ANO6: variants seen among roughly 807,000 people sequenced by gnomAD.
The protein encoded by ANO6 is anoctamin 6.
Under a neutral mutation model 117.5 loss-of-function variants are expected in ANO6, and 106 were observed. That is an observed-to-expected ratio of 0.90 (90% CI 0.77 to 1.06). ANO6 has a LOEUF of 1.06. Among genes scored for constraint, ANO6 ranks in the 50% least tolerant of loss-of-function variants. The probability of loss-of-function intolerance (pLI) is 0.00; values close to 1 mark genes in which losing one functional copy is unlikely to be tolerated. For missense variants in ANO6, 955 were observed against 1,121.1 expected (o/e 0.85, Z 2.12); for synonymous variants, 367 against 385.1 (o/e 0.95, Z 0.55).
At chr12:45,323,371 T>C (rs1940345099) in intron 2 of ANO6, among the ~76,000 whole-genome samples, 1 of 152,120 alleles carries the variant, frequency 6.6e-6, no homozygotes, top group Non-Finnish European at 1.5e-5. Context: ...CAACACCTAT[T>C]AAAGACAGCT....
At chr12:45,334,477 G>A (rs1310560168) in intron 3 of ANO6, among the ~76,000 whole-genome samples, 2 of 152,046 alleles carry the variant, frequency 1.3e-5, no homozygotes, top group Non-Finnish European at 2.9e-5. Flanking sequence ...GTAGCCAGAG[G>A]CAGAGAGAAG....
chr12:45,404,847 A>G (rs1046351740), intron 15 of ANO6, among the ~76,000 whole-genome samples: 2 of 152,092 alleles, frequency 1.3e-5, no homozygotes, highest in Non-Finnish European at 2.9e-5. Context: ...TCTTGCCTCC[A>G]TCACATACAA....
chr12:45,366,813 G>C (rs1941696854), intron 8 of ANO6, among the ~76,000 whole-genome samples: 1 of 152,066 alleles, frequency 6.6e-6, no homozygotes, highest in Non-Finnish European at 1.5e-5. Context: ...GTTTGAATTA[G>C]ATTTATTCTT....
chr12:45,252,772 T>C (rs1937670513), intron 1 of ANO6, among the ~76,000 whole-genome samples: 2 of 152,232 alleles, frequency 1.3e-5, no homozygotes. Flanking sequence ...AATTTTTGTA[T>C]TTCATTTCTT....
intron 10 of ANO6, chr12:45,383,473 T>C (rs776102571): frequency 2.6e-5 from 4 of 152,252 alleles, no homozygotes; most frequent in Non-Finnish European, 5.9e-5. Flanking sequence ...GATTTCTGCT[T>C]ATTTTGCCAA....
At chr12:45,256,427 TTTGA>T (rs1937830363) in intron 1 of ANO6, 1 of 152,224 alleles carries the variant, frequency 6.6e-6, no homozygotes. Flanking sequence ...TTTCCATTTA[TTTGA>T]TTGTTACTAC....
intron 1 of ANO6, among the ~76,000 whole-genome samples, chr12:45,299,671 T>C (rs972509563): frequency 2.0e-5 from 3 of 151,764 alleles, no homozygotes; most frequent in African/African-American, 7.3e-5. Flanking sequence ...GCCAGTATGG[T>C]GAAAACGCTT....
At chr12:45,381,170 T>C (rs2137555077) in intron 10 of ANO6, among the ~76,000 whole-genome samples, 1 of 152,362 alleles carries the variant, frequency 6.6e-6, no homozygotes. Context: ...TTTACTGCTC[T>C]GAAACCTTTT....
At chr12:45,436,476 A>G (rs980412707), downstream of ANO6, among the ~76,000 whole-genome samples, 2 of 152,202 alleles carry the variant, frequency 1.3e-5, no homozygotes. Context: ...ACTTGGCGTC[A>G]TTATGAAGTC....
chr12:45,391,080 C>T (rs922015497), intron 12 of ANO6, among the ~76,000 whole-genome samples: 1 of 151,824 alleles, frequency 6.6e-6, no homozygotes, highest in Non-Finnish European at 1.5e-5. Context: ...AAAATCACAC[C>T]ACTGCACTCG....
At chr12:45,356,650 A>G (rs1364820786) in intron 7 of ANO6, among the ~76,000 whole-genome samples, 2 of 152,188 alleles carry the variant, frequency 1.3e-5, no homozygotes, top group African/African-American at 4.8e-5. Flanking sequence ...CCTTGTCTTC[A>G]CATTGAGTAG....
At chr12:45,380,545 T>A (rs969177573) in intron 10 of ANO6, among the ~76,000 whole-genome samples, 2 of 152,196 alleles carry the variant, frequency 1.3e-5, no homozygotes, top group Non-Finnish European at 2.9e-5. Flanking sequence ...ATAATGCATC[T>A]CCTGCTACCA....
At chr12:45,266,377 A>G (rs1033976311) in intron 1 of ANO6, among the ~76,000 whole-genome samples, 1 of 152,198 alleles carries the variant, frequency 6.6e-6, no homozygotes, top group Non-Finnish European at 1.5e-5. Context: ...TTAAAAATAT[A>G]TTGCATTGTG....
At chr12:45,422,934 A>G (rs564977339) in intron 18 of ANO6, 23 bp from the exon 19 acceptor site, 10 of 1,531,844 alleles carry the variant, frequency 6.5e-6, no homozygotes, top group Admixed American at 1.7e-5. Flanking sequence ...TTGTCTCCCA[A>G]TATGTCTCCA....
chr12:45,387,022 A>C (rs934147431), intron 10 of ANO6, among the ~76,000 whole-genome samples: 3 of 152,250 alleles, frequency 2.0e-5, no homozygotes, highest in African/African-American at 7.2e-5. Context: ...CAGTTCAAGG[A>C]CAGCATAATT....
chr12:45,216,398 G>T lies in ANO6; in HGVS notation c.70+7G>T. The T allele has an allele frequency of 1.2e-6, 2 of 1,610,354 alleles. No individual in the cohort carries two copies. Among genetic ancestry groups the T allele is most frequent in the Non-Finnish European group, 1.7e-6 (2 of 1,178,586 alleles). On this transcript the variant is annotated splice_region_variant and intron_variant, in intron 1 of 19. Coordinates refer to ENST00000320560, the MANE Select transcript of ANO6 (RefSeq NM_001025356.3). Reference sequence around the variant, plus strand: ...GACGACGATGGGGATATCGGTGAGCGAGGGGTCCCCGCGTCCCCACCCGAG... The same window carrying T: ...GACGACGATGGGGATATCGGTGAGCTAGGGGTCCCCGCGTCCCCACCCGAG...
Position 45,430,702 on chromosome 12 carries a change from C to T in ANO6, c.*1391C>T. The T allele has an allele frequency of 1.0e-6, 1 of 985,462 alleles. No homozygotes were observed. The highest frequency in any genetic ancestry group is 1.2e-6 in the Non-Finnish European group (1 of 829,960). The allele number at this position is 985,462 out of a possible 1,614,324, so 61.0% of individuals were successfully genotyped here. ...ATTATCTGGAGATTACTTCCTGCTGCACTCCTGTCTTGCCATGCACGTCTT... is the reference window on the plus strand; with the variant it reads ...ATTATCTGGAGATTACTTCCTGCTGTACTCCTGTCTTGCCATGCACGTCTT... On this transcript the variant is annotated 3_prime_UTR_variant, in exon 20 of 20. Transcript: ENST00000320560.
chr12:45,255,816 G>GTGTTTTTT (rs1937795583), intron 1 of ANO6, among the ~76,000 whole-genome samples: 1 of 100,226 alleles, frequency 1.0e-5, no homozygotes, highest in African/African-American at 4.5e-5. Context: ...TTCTCCCTGG[G>GTGTTTTTT]TGTTTTTTTT....
chr12:45,276,358 C>T (rs1407363177), intron 1 of ANO6, among the ~76,000 whole-genome samples: 1 of 152,166 alleles, frequency 6.6e-6, no homozygotes, highest in Non-Finnish European at 1.5e-5. Flanking sequence ...CATTGTTTAC[C>T]TGTCAGTGTT....
Sources: allele counts gnomAD v4.1 joint callset (sites outside exome capture counted in the v4.1 genomes callset), GRCh38; gene constraint gnomAD v4.1.1; transcripts MANE v1.5; gene names NCBI Gene and HGNC (gene_info 2026-07-23, HGNC 2026-07-21).